The following RGS20 variants were observed in gnomAD, a reference collection of about 807,000 sequenced individuals.
The protein encoded by RGS20 is gz-selective GTPase-activating protein.
RGS20 carries 30 observed loss-of-function variants against 33.6 expected under a neutral mutation model. The ratio of observed to expected loss-of-function variants is 0.89; its 90% CI spans 0.67 to 1.21. RGS20 has a LOEUF of 1.21. Among genes scored for constraint, RGS20 ranks in the 50% most tolerant of loss-of-function variants. RGS20 has a pLI of 0.00. For synonymous variants in RGS20, 208 were observed against 197.9 expected (o/e 1.05, Z -0.43); for missense variants, 472 against 502.4 (o/e 0.94, Z 0.58).
At chr8:53,906,111 G>A (rs753946856) in intron 2 of RGS20, among the ~76,000 whole-genome samples, 18 of 152,120 alleles carry the variant, frequency 1.2e-4, no homozygotes. Flanking sequence ...TAAGACCAGA[G>A]GATCCTACAA....
chr8:53,936,472 CA>C (rs1472462109), intron 2 of RGS20, among the ~76,000 whole-genome samples: 2 of 152,048 alleles, frequency 1.3e-5, no homozygotes, highest in East Asian at 3.9e-4. Flanking sequence ...AAAAGAGAGC[CA>C]AATCATGAGT....
chr8:53,870,246 T>A (rs1009339797), intron 1 of RGS20, among the ~76,000 whole-genome samples: 1 of 152,128 alleles, frequency 6.6e-6, no homozygotes, highest in Non-Finnish European at 1.5e-5. Context: ...AGTCTATGTA[T>A]ACACAGATAT....
At chr8:53,945,628 G>C (rs1475210691) in intron 3 of RGS20, among the ~76,000 whole-genome samples, 1 of 152,146 alleles carries the variant, frequency 6.6e-6, no homozygotes, top group Non-Finnish European at 1.5e-5. Context: ...AAGTGATTAA[G>C]AAAGTGGCCG....
chr8:53,953,936 A>G (rs959658735), intron 4 of RGS20, 140 bp from the exon 4 acceptor site: 8 of 698,448 alleles, frequency 1.1e-5, no homozygotes, highest in Admixed American at 2.7e-5. Flanking sequence ...AAATGCGAAC[A>G]GTTCTTTCCC....
intron 2 of RGS20, among the ~76,000 whole-genome samples, chr8:53,918,398 C>CTTTTTTTTTTT (rs370307599): frequency 3.4e-4 from 51 of 149,548 alleles, no homozygotes; most frequent in African/African-American, 1.2e-3. Context: ...TTCTTTCTTC[C>CTTTTTTTTTTT]TTTTTTTGAG....
intron 2 of RGS20, among the ~76,000 whole-genome samples, chr8:53,907,459 C>T (rs1047290935): frequency 1.3e-5 from 2 of 152,038 alleles, no homozygotes; most frequent in African/African-American, 4.8e-5. Context: ...TGGCACGAGC[C>T]TGTAATCCCA....
At chr8:53,925,704 T>G (rs1300151848) in intron 2 of RGS20, among the ~76,000 whole-genome samples, 3 of 151,954 alleles carry the variant, frequency 2.0e-5, no homozygotes, top group African/African-American at 7.3e-5. Context: ...CATTGCACTT[T>G]AGCCTGGGCA....
chr8:53,874,417 T>C (rs1350505516), intron 1 of RGS20, among the ~76,000 whole-genome samples: 1 of 151,388 alleles, frequency 6.6e-6, no homozygotes, highest in Middle Eastern at 3.2e-3. Context: ...CGCGTGTGCT[T>C]GCGTGCATCT....
chr8:53,943,279 A>G (rs929556580), intron 3 of RGS20, among the ~76,000 whole-genome samples: 19 of 152,170 alleles, frequency 1.2e-4, no homozygotes, highest in Non-Finnish European at 2.4e-4. Context: ...ATTAATATAC[A>G]TAGTCAAGTC....
chr8:53,903,004 G>A (rs1813073046), intron 2 of RGS20, among the ~76,000 whole-genome samples: 1 of 152,208 alleles, frequency 6.6e-6, no homozygotes, highest in African/African-American at 2.4e-5. Context: ...GGGATCACAG[G>A]TGTGAGCCAC....
chr8:53,955,831 C>CA (rs1403092034), intron 5 of RGS20, among the ~76,000 whole-genome samples: 1 of 151,868 alleles, frequency 6.6e-6, no homozygotes, highest in Non-Finnish European at 1.5e-5. Flanking sequence ...AACTCCATTT[C>CA]AAAAAAATAA....
intron 2 of RGS20, among the ~76,000 whole-genome samples, chr8:53,886,633 A>G: frequency 6.6e-6 from 1 of 152,194 alleles, no homozygotes; most frequent in Middle Eastern, 3.2e-3. Context: ...TGGCTTCCTG[A>G]GGTGCTGGGT....
chr8:53,916,699 A>G (rs1813492541), intron 2 of RGS20, among the ~76,000 whole-genome samples: 1 of 151,962 alleles, frequency 6.6e-6, no homozygotes, highest in African/African-American at 2.4e-5. Flanking sequence ...AAAGAGAGAG[A>G]CTTTCTGAGT....
rs76745243 is a variant in RGS20, at chr8:53,866,288, G to A, written c.166-12970G>A. Among the ~76,000 whole-genome samples the A allele has an allele frequency of 3.4e-3, 511 of 152,278 alleles. 14 individuals carry two copies. In the East Asian group the frequency reaches 0.047, roughly 14 times the overall value. Reference sequence around the variant, plus strand: ...AGTACACATCAGCAAATCGCAGAAGGTCTTCTATGCCATGTGAAGTCACTT... The same window carrying A: ...AGTACACATCAGCAAATCGCAGAAGATCTTCTATGCCATGTGAAGTCACTT... On this transcript the variant is annotated intron_variant, in intron 1 of 5. Coordinates refer to ENST00000297313, the MANE Select transcript of RGS20 (RefSeq NM_170587.4).
At chr8:53,936,858 T>C (rs959949768) in intron 2 of RGS20, among the ~76,000 whole-genome samples, 9 of 152,164 alleles carry the variant, frequency 5.9e-5, no homozygotes, top group Non-Finnish European at 8.8e-5. Context: ...TACAATGTTG[T>C]AGTAACCAAA....
rs757723458 is a variant in RGS20 at position 53,879,491 on chromosome 8, G to A, written c.399G>A (p.Ala133=). The change falls in exon 2 of 6, where the codon GCG becomes GCA. Residue 133 remains alanine (A), a synonymous_variant. Coordinates refer to ENST00000297313, the MANE Select transcript of RGS20 (RefSeq NM_170587.4). The stretch of plus-strand genomic sequence containing the variant: ...GCCGCCTCTCGCTCCTGCTCGGGGC[G>A]GCGCTGGCACTGCCCGGCCGACCCT... 2 of 1,562,032 alleles carry A rather than the reference G, an allele frequency of 1.3e-6. No individual in the cohort carries two copies. The highest frequency in any genetic ancestry group is 1.2e-5 in the South Asian group (1 of 85,262).
intron 1 of RGS20, among the ~76,000 whole-genome samples, chr8:53,856,391 G>A (rs953999730): frequency 1.3e-5 from 2 of 151,502 alleles, no homozygotes; most frequent in African/African-American, 4.8e-5. Context: ...ACTTTTTTTT[G>A]TATTTTTAGT....
intron 1 of RGS20, among the ~76,000 whole-genome samples, chr8:53,863,071 C>T (rs1563339615): frequency 6.6e-6 from 1 of 152,150 alleles, no homozygotes. Context: ...TCACCGCAAC[C>T]TCTGCCTCCC....
chr8:53,926,433 GA>G (rs1446883208), intron 2 of RGS20, among the ~76,000 whole-genome samples: 1 of 152,034 alleles, frequency 6.6e-6, no homozygotes, highest in Admixed American at 6.6e-5. Context: ...TATCTTTCTG[GA>G]ACAGGAACTT....
Sources: allele counts gnomAD v4.1 joint callset (sites outside exome capture counted in the v4.1 genomes callset), GRCh38; gene constraint gnomAD v4.1.1; transcripts MANE v1.5; gene names NCBI Gene and HGNC (gene_info 2026-07-23, HGNC 2026-07-21).